The following FRAS1 variants were observed in gnomAD, a reference collection of about 807,000 sequenced individuals.
FRAS1 encodes the protein Fraser extracellular matrix complex subunit 1, also known as extracellular matrix organizing protein FRAS1.
A neutral mutation model predicts 435.2 loss-of-function variants in FRAS1; 290 were observed. That is an observed-to-expected ratio of 0.67 (90% CI 0.61 to 0.73). The LOEUF is 0.73. Among genes scored for constraint, FRAS1 ranks in the 30% least tolerant of loss-of-function variants. The probability of loss-of-function intolerance (pLI) is 0.00; values close to 1 mark genes in which losing one functional copy is unlikely to be tolerated. For synonymous variants in FRAS1, 1,800 were observed against 1,851.0 expected (o/e 0.97, Z 0.71); for missense variants, 4,860 against 5,001.5 (o/e 0.97, Z 0.85).
chr4:78,281,394 C>A lies in FRAS1; in HGVS notation c.1072-4C>A. ...ATAATAAAGACATTTCTCTTTGTTC[C>A]TAGATGTCATCAAATGCTAGTGAAG... On this transcript the variant is annotated splice_region_variant and splice_polypyrimidine_tract_variant and intron_variant, in intron 10 of 73. Transcript: ENST00000512123. 1 of 1,569,036 alleles carries A rather than the reference C, an allele frequency of 6.4e-7. No individual in the cohort carries two copies. Among genetic ancestry groups the A allele is most frequent in the South Asian group, 1.2e-5 (1 of 82,716 alleles).
rs573147245 is a variant in FRAS1 at position 78,196,062 on chromosome 4, C to A, written c.109-41448C>A. ...TTGCTCTGTCACCCAGGCTGGAGTG[C>A]AGTGGCAAGATCTCGGCTCATTGCA... On this transcript the variant is annotated intron_variant, in intron 2 of 73. Transcript: ENST00000512123. Among the ~76,000 whole-genome samples the A allele has an allele frequency of 4.0e-5, 6 of 151,870 alleles. No individual in the cohort carries two copies. In the South Asian group the frequency reaches 8.3e-4, roughly 21 times the overall value.
chr4:78,510,076 A>C (rs996476176), intron 63 of FRAS1, among the ~76,000 whole-genome samples: 1 of 152,234 alleles, frequency 6.6e-6, no homozygotes, highest in African/African-American at 2.4e-5. Context: ...ATTCTTTTGC[A>C]ACATAACCTA....
intron 50 of FRAS1, among the ~76,000 whole-genome samples, chr4:78,467,659 A>G (rs1241704431): frequency 6.6e-6 from 1 of 152,174 alleles, no homozygotes; most frequent in African/African-American, 2.4e-5. Context: ...ACTGTTCTCT[A>G]TAGTGGTTGT....
chr4:78,205,095 C>T (rs910692086), intron 2 of FRAS1, among the ~76,000 whole-genome samples: 1 of 151,922 alleles, frequency 6.6e-6, no homozygotes, highest in Non-Finnish European at 1.5e-5. Flanking sequence ...AATGTTGAGT[C>T]CATAAATGAT....
At chr4:78,429,807 A>T (rs74503518) in intron 36 of FRAS1, among the ~76,000 whole-genome samples, 1 of 152,202 alleles carries the variant, frequency 6.6e-6, no homozygotes, top group Non-Finnish European at 1.5e-5. Flanking sequence ...CCTAAAATTA[A>T]TTTTTACCAA....
chr4:78,540,269 G>A (rs1722006783), intron 73 of FRAS1, among the ~76,000 whole-genome samples: 2 of 152,122 alleles, frequency 1.3e-5, no homozygotes, highest in Admixed American at 1.3e-4. Flanking sequence ...GACCATGAAA[G>A]ATAATTTCTT....
At chr4:78,238,246 C>T (rs1470350597) in intron 3 of FRAS1, among the ~76,000 whole-genome samples, 3 of 151,548 alleles carry the variant, frequency 2.0e-5, no homozygotes, top group South Asian at 2.1e-4. Flanking sequence ...TCCTCCCTTC[C>T]CTTCTGTTAA....
At chr4:78,210,714 T>C (rs1723467030) in intron 2 of FRAS1, among the ~76,000 whole-genome samples, 1 of 152,208 alleles carries the variant, frequency 6.6e-6, no homozygotes, top group Non-Finnish European at 1.5e-5. Context: ...GTTTGCCTGG[T>C]ATGGCAGCAT....
intron 2 of FRAS1, among the ~76,000 whole-genome samples, chr4:78,207,798 A>G (rs1386773114): frequency 6.6e-6 from 1 of 152,164 alleles, no homozygotes; most frequent in South Asian, 2.1e-4. Context: ...GGGTGAGTAA[A>G]TACATGAGGC....
chr4:78,304,743 G>T (rs558296271), intron 14 of FRAS1, among the ~76,000 whole-genome samples: 3 of 151,962 alleles, frequency 2.0e-5, no homozygotes, highest in African/African-American at 7.2e-5. Context: ...GCATCTATTT[G>T]ATTCTTCTTT....
Position 78,191,131 on chromosome 4 carries a change from T to C in FRAS1, c.109-46379T>C, listed in dbSNP as rs943667316. Among the ~76,000 whole-genome samples, 12 of 152,322 alleles carry C rather than the reference T, an allele frequency of 7.9e-5. No individual in the cohort carries two copies. The East Asian group carries it at 9.6e-4, about 12-fold the overall frequency. On this transcript the variant is annotated intron_variant, in intron 2 of 73. Transcript: ENST00000512123. ...TCTTGGACTTTTCAGCCTCCAGAAC[T>C]GTGAGAAGAAATTTCTGTTGCTTAA...
At chr4:78,375,698 T>A in intron 25 of FRAS1, 41 bp from the exon 26 acceptor site, 1 of 1,514,350 alleles carries the variant, frequency 6.6e-7, no homozygotes, top group East Asian at 2.4e-5. Context: ...TCGCTGGTGT[T>A]GCCTTGATTG....
In FRAS1 at chr4:78,521,485, T is replaced by C. The variant is rs149055863; in HGVS notation, c.10541-38T>C. 8.7e-6 allele frequency: 13 copies of C among 1,493,996 alleles called. No individual in the cohort carries two copies. In the East Asian group the frequency reaches 2.7e-4, roughly 31 times the overall value. 92.5% of individuals were successfully genotyped at this position (1,493,996 alleles called of 1,614,324 possible). ...TGTGGTTGCTGTCAGGGAGGAATTT[T>C]CCATGCCCTAGCATTTTCTCTCTGC... On this transcript the variant is annotated intron_variant, in intron 67 of 73. Transcript: ENST00000512123.
intron 38 of FRAS1, among the ~76,000 whole-genome samples, chr4:78,437,431 T>G (rs1169358885): frequency 6.6e-6 from 1 of 152,202 alleles, no homozygotes; most frequent in Non-Finnish European, 1.5e-5. Flanking sequence ...AGAACATAAA[T>G]TTAGGGAAAA....
chr4:78,433,304 A>G (rs1339248483), intron 38 of FRAS1, among the ~76,000 whole-genome samples: 5 of 152,230 alleles, frequency 3.3e-5, no homozygotes, highest in Non-Finnish European at 2.9e-5. Flanking sequence ...ACAGTTATGT[A>G]TGTTGTAAGC....
chr4:78,389,856 T>A (rs909525544), intron 29 of FRAS1, among the ~76,000 whole-genome samples: 1 of 152,190 alleles, frequency 6.6e-6, no homozygotes, highest in Non-Finnish European at 1.5e-5. Flanking sequence ...AAAATGGAAA[T>A]TTAATTCATA....
At chr4:78,183,645 C>T (rs1225946234) in intron 2 of FRAS1, among the ~76,000 whole-genome samples, 1 of 151,784 alleles carries the variant, frequency 6.6e-6, no homozygotes, top group East Asian at 1.9e-4. Context: ...GAAGTGCAGG[C>T]TTCTGTGAGT....
At chr4:78,489,904 T>G (rs1178284674) in intron 59 of FRAS1, among the ~76,000 whole-genome samples, 1 of 137,692 alleles carries the variant, frequency 7.3e-6, no homozygotes, top group Admixed American at 8.7e-5. Context: ...AGTATTCTCT[T>G]GACAATGTAC....
intron 3 of FRAS1, among the ~76,000 whole-genome samples, chr4:78,241,572 GGGA>G (rs1220015867): frequency 6.6e-6 from 1 of 152,146 alleles, no homozygotes; most frequent in East Asian, 1.9e-4. Flanking sequence ...GGAGTTAGAG[GGGA>G]GGAGAGACTG....
Sources: gnomAD v4.1 joint callset for allele counts (sites outside exome capture counted in the v4.1 genomes callset) on GRCh38, gnomAD v4.1.1 for gene constraint, MANE v1.5 for transcripts, NCBI Gene and HGNC (gene_info 2026-07-23, HGNC 2026-07-21) for gene names.